Variants in APPL1 observed in about 807,000 individuals in gnomAD.
APPL1 encodes DCC-interacting protein 13-alpha.
In APPL1, 42 loss-of-function variants were observed where a neutral mutation model predicts 106.8. The observed-to-expected ratio is 0.39, with a 90% CI of 0.31 to 0.51. APPL1 has a LOEUF of 0.51. Ranked by LOEUF, APPL1 falls within the 20% of genes least tolerant of loss-of-function variation. The pLI is 0.75. For synonymous variants in APPL1, 263 were observed against 281.8 expected, an observed-to-expected ratio of 0.93 and a Z score of 0.67; for missense variants, 769 against 858.2, an observed-to-expected ratio of 0.90 and a Z score of 1.30.
In APPL1 at chr3:57,273,436, AAGTCC is replaced by A. The variant is rs1439242629; in HGVS notation, c.*3751_*3755del. ...TTAGAAGATTTTTTAATGTATAATA[AAGTCC>A]ATGATTTTTGTACAGTGTTTTTTAA... On this transcript the variant is annotated 3_prime_UTR_variant, in exon 22 of 22. Coordinates refer to ENST00000288266, the MANE Select transcript of APPL1 (RefSeq NM_012096.3). 3.9e-5 allele frequency: 6 copies of A among 152,630 alleles called. No individual in the cohort carries two copies. Among genetic ancestry groups the A allele is most frequent in the African/African-American group, 1.4e-4 (6 of 41,456 alleles). The allele number at this position is 152,630 out of a possible 1,614,324, so 9.5% of individuals were successfully genotyped here.
At chr3:57,240,942 G>C (rs1261021067) in intron 5 of APPL1, among the ~76,000 whole-genome samples, 1 of 152,188 alleles carries the variant, frequency 6.6e-6, no homozygotes, top group Non-Finnish European at 1.5e-5. Context: ...TGTTCTGTTA[G>C]AGGGACTAGA....
At chr3:57,229,764 A>C (rs893846709) in intron 1 of APPL1, among the ~76,000 whole-genome samples, 1 of 121,032 alleles carries the variant, frequency 8.3e-6, no homozygotes, top group Non-Finnish European at 1.6e-5. Flanking sequence ...CCCAGGCTGG[A>C]GTGCAATGTT....
In APPL1 at chr3:57,227,876, C is replaced by G; in HGVS notation, c.-8C>G. 1 of 1,463,106 alleles carries G rather than the reference C, an allele frequency of 6.8e-7. No individual in the cohort carries two copies. The highest frequency in any genetic ancestry group is 9.0e-7 in the Non-Finnish European group (1 of 1,105,102). 90.6% of individuals were successfully genotyped at this position (1,463,106 alleles called of 1,614,324 possible). A position where few individuals can be genotyped will look rare whatever the true frequency, so the allele number is the denominator to read the frequency against. ...TGCGTCTCCTGCCACCGCCCTCCCT[C>G]CGCCACGATGCCGGGGATCGACAAG... On this transcript the variant is annotated 5_prime_UTR_variant, in exon 1 of 22. Transcript: ENST00000288266.
chr3:57,267,797 GA>G lies in APPL1; in HGVS notation c.1893+7del. 6.2e-7 allele frequency: 1 copy of G among 1,613,356 alleles called. No individual in the cohort carries two copies. The highest frequency in any genetic ancestry group is 2.2e-5 in the East Asian group (1 of 44,862). On this transcript the variant is annotated splice_donor_region_variant and intron_variant, in intron 20 of 21. Coordinates refer to ENST00000288266, the MANE Select transcript of APPL1 (RefSeq NM_012096.3). ...ATAGCTTTGCATGCTGAACTGGTAAGAATCCAAGATGTGGCTGGGCACAGTG... is the reference window on the plus strand; with the variant it reads ...ATAGCTTTGCATGCTGAACTGGTAAGATCCAAGATGTGGCTGGGCACAGTG...
Position 57,259,850 on chromosome 3 carries a change from A to C in APPL1, c.1489A>C (p.Ile497Leu). Residue 497 changes from isoleucine (I) to leucine (L), a missense_variant, in exon 17 of 22, where the codon ATT (isoleucine) becomes CTT (leucine). Physicochemically the swap from Ile to Leu is conservative, Grantham distance 5. Coordinates refer to ENST00000288266, the MANE Select transcript of APPL1 (RefSeq NM_012096.3). ...GSTKSETEDSILHQLFIVRFL... is the reference protein window; with the variant it reads ...GSTKSETEDSLLHQLFIVRFL... Reference sequence around the variant, plus strand: ...TACACCTTGTTCTATTATAGATTCTATTCTTCATCAGTTATTTATTGTCCG... The same window carrying C: ...TACACCTTGTTCTATTATAGATTCTCTTCTTCATCAGTTATTTATTGTCCG... 3 of 1,589,224 alleles carry C rather than the reference A, an allele frequency of 1.9e-6. No homozygotes were observed. The highest frequency in any genetic ancestry group is 2.6e-6 in the Non-Finnish European group (3 of 1,171,108).
At position 57,273,355 on chromosome 3, in the gene APPL1, A is replaced by G. The variant is rs967022817; in HGVS notation, c.*3668A>G. The G allele has an allele frequency of 6.6e-6, 1 of 152,578 alleles. No individual in the cohort carries two copies. Among genetic ancestry groups the G allele is most frequent in the African/African-American group, 2.4e-5 (1 of 41,438 alleles). 9.5% of individuals were successfully genotyped at this position (152,578 alleles called of 1,614,324 possible). A position where few individuals can be genotyped will look rare whatever the true frequency, so the allele number is the denominator to read the frequency against. On this transcript the variant is annotated 3_prime_UTR_variant, in exon 22 of 22. Transcript: ENST00000288266. ...GGTATACATGTGGGGTGGAGAACTT[A>G]TTTTTTCATTTTGTCACAATAGGTA...
chr3:57,242,152 A>G lies in APPL1; in HGVS notation c.415+10A>G, dbSNP rs748363428. On this transcript the variant is annotated intron_variant, in intron 6 of 21. Coordinates refer to ENST00000288266, the MANE Select transcript of APPL1 (RefSeq NM_012096.3). ...CAGATTGCAAGTAATGGTAAGCCCT[A>G]TAATTTGCACACTTATTTCTTGCAG... 1.9e-6 allele frequency: 3 copies of G among 1,587,844 alleles called. No individual in the cohort carries two copies. The highest frequency in any genetic ancestry group is 1.3e-5 in the African/African-American group (1 of 74,356).
At chr3:57,240,367 A>G (rs899052372) in intron 4 of APPL1, 98 bp from the exon 5 acceptor site, 6 of 906,240 alleles carry the variant, frequency 6.6e-6, no homozygotes, top group Non-Finnish European at 1.0e-5. Flanking sequence ...TATATAAAAT[A>G]TATCAGAACC....
Position 57,230,314 on chromosome 3 carries a change from C to G in APPL1, c.54+2377C>G, listed in dbSNP as rs77383708. Among the ~76,000 whole-genome samples the G allele has an allele frequency of 7.5e-3, 1,142 of 152,146 alleles. 14 individuals are homozygous for G. The highest frequency in any genetic ancestry group is 0.026 in the African/African-American group (1,061 of 41,510). On this transcript the variant is annotated intron_variant, in intron 1 of 21. Coordinates refer to ENST00000288266, the MANE Select transcript of APPL1 (RefSeq NM_012096.3). ...CTTAATGACATGTTTTTATTTTTGACCCTGATTAAAAAGAAATAATAGTTG... is the reference window on the plus strand; with the variant it reads ...CTTAATGACATGTTTTTATTTTTGAGCCTGATTAAAAAGAAATAATAGTTG...
intron 19 of APPL1, among the ~76,000 whole-genome samples, chr3:57,267,196 G>C (rs1292923402): frequency 6.6e-6 from 1 of 152,074 alleles, no homozygotes; most frequent in African/African-American, 2.4e-5. Context: ...AGTTTTTTGT[G>C]TAAATAAAAT....
intron 4 of APPL1, among the ~76,000 whole-genome samples, chr3:57,240,025 C>T (rs1178725449): frequency 6.6e-6 from 1 of 151,432 alleles, no homozygotes; most frequent in Non-Finnish European, 1.5e-5. Flanking sequence ...GATCCTTTGC[C>T]CGTTTTTAAA....
At chr3:57,252,805 T>C (rs2107605167) in intron 12 of APPL1, among the ~76,000 whole-genome samples, 1 of 152,342 alleles carries the variant, frequency 6.6e-6, no homozygotes, top group South Asian at 2.1e-4. Flanking sequence ...TTTTTACTCC[T>C]AGTATATCAG....
Position 57,260,168 on chromosome 3 carries a change from A to T in APPL1, c.1695+15A>T. The T allele has an allele frequency of 6.3e-7, 1 of 1,599,078 alleles. No homozygotes were observed. Among genetic ancestry groups the T allele is most frequent in the African/African-American group, 1.4e-5 (1 of 73,840 alleles). On this transcript the variant is annotated intron_variant, in intron 18 of 21. Transcript: ENST00000288266. The stretch of plus-strand genomic sequence containing the variant: ...CAAGGCTCACGGTGAGTTCCACATG[A>T]TTTAAGCTTTGTTTTAGGTCCCTTT...
Position 57,227,788 on chromosome 3 carries a change from G to A in APPL1, c.-96G>A. ...GGCGGGGACGGCTGCAGCCCTTGCC[G>A]GAGAGGGCGGGCCGGGGTCAGCTGC... On this transcript the variant is annotated 5_prime_UTR_variant, in exon 1 of 22. Transcript: ENST00000288266. 5 of 1,122,718 alleles carry A rather than the reference G, an allele frequency of 4.5e-6. No homozygotes were observed. Among genetic ancestry groups the A allele is most frequent in the Non-Finnish European group, 5.9e-6 (5 of 843,792 alleles). 69.5% of individuals were successfully genotyped at this position (1,122,718 alleles called of 1,614,324 possible). A position where few individuals can be genotyped will look rare whatever the true frequency, so the allele number is the denominator to read the frequency against.
intron 12 of APPL1, among the ~76,000 whole-genome samples, chr3:57,253,289 T>C (rs984696344): frequency 2.6e-5 from 4 of 152,160 alleles, no homozygotes; most frequent in Admixed American, 2.6e-4. Flanking sequence ...TCTTGTTTGG[T>C]GGGGATTAGG....
At chr3:57,261,798 G>A (rs1447050213) in intron 19 of APPL1, among the ~76,000 whole-genome samples, 4 of 152,122 alleles carry the variant, frequency 2.6e-5, no homozygotes, top group Admixed American at 6.6e-5. Context: ...GATTACAGGC[G>A]TGAGCCACCA....
At chr3:57,250,274 A>G (rs1335422559) in intron 11 of APPL1, among the ~76,000 whole-genome samples, 2 of 152,042 alleles carry the variant, frequency 1.3e-5, no homozygotes, top group Admixed American at 6.6e-5. Flanking sequence ...CCAAGTTGCT[A>G]GGATCACAGG....
chr3:57,244,460 A>G (rs1252905651), intron 7 of APPL1, among the ~76,000 whole-genome samples: 1 of 152,142 alleles, frequency 6.6e-6, no homozygotes, highest in Non-Finnish European at 1.5e-5. Flanking sequence ...ATGGCCAGCA[A>G]AGGTTACACT....
In APPL1 at chr3:57,269,868, T is replaced by C; in HGVS notation, c.*181T>C. The C allele has an allele frequency of 3.0e-6, 2 of 670,670 alleles. No homozygotes were observed. The highest frequency in any genetic ancestry group is 5.0e-5 in the South Asian group (2 of 40,310). The allele number at this position is 670,670 out of a possible 1,614,324, so 41.5% of individuals were successfully genotyped here. On this transcript the variant is annotated 3_prime_UTR_variant, in exon 22 of 22. Transcript: ENST00000288266. ...TGACTTAGGTTTGCATTGATCTTTT[T>C]TCCCCCTTAAACATAATGTACTATG...
Sources: allele counts gnomAD v4.1 joint callset (sites outside exome capture counted in the v4.1 genomes callset), GRCh38; gene constraint gnomAD v4.1.1; transcripts MANE v1.5; gene names NCBI Gene and HGNC (gene_info 2026-07-23, HGNC 2026-07-21).